Variants in CEP112 observed in about 807,000 individuals in gnomAD.
CEP112 encodes centrosomal protein 112, also known as centrosomal protein of 112 kDa.
CEP112 carries 127 observed loss-of-function variants against 153.0 expected under a neutral mutation model. The ratio of observed to expected loss-of-function variants is 0.83; its 90% CI spans 0.72 to 0.96. The LOEUF is 0.96. Ranked by LOEUF, CEP112 falls within the 40% of genes least tolerant of loss-of-function variation. The probability of loss-of-function intolerance (pLI) is 0.00; values close to 1 mark genes in which losing one functional copy is unlikely to be tolerated. For synonymous variants in CEP112, 358 were observed against 374.4 expected (o/e 0.96, Z 0.51); for missense variants, 1,089 against 1,101.2 (o/e 0.99, Z 0.16).
intron 24 of CEP112, chr17:65,655,204 G>A (rs560237656): frequency 5.0e-5 from 39 of 786,792 alleles, no homozygotes; most frequent in African/African-American, 2.7e-4. Flanking sequence ...TCTCACTGGC[G>A]CTTGTTGCAA....
intron 20 of CEP112, among the ~76,000 whole-genome samples, chr17:65,853,849 G>A (rs984429879): frequency 6.6e-6 from 1 of 152,138 alleles, no homozygotes; most frequent in Non-Finnish European, 1.5e-5. Flanking sequence ...TAATTGCACT[G>A]TGGCCAAAGA....
At chr17:65,810,614 C>T (rs1159987759) in intron 21 of CEP112, among the ~76,000 whole-genome samples, 1 of 151,804 alleles carries the variant, frequency 6.6e-6, no homozygotes, top group East Asian at 1.9e-4. Context: ...CTGAGTGAAG[C>T]CACTGAGATG....
At chr17:66,121,752 A>G (rs1358985546) in intron 6 of CEP112, among the ~76,000 whole-genome samples, 1 of 151,428 alleles carries the variant, frequency 6.6e-6, no homozygotes, top group Admixed American at 6.6e-5. Context: ...CCCAGGCTGG[A>G]GTACAGTGGC....
chr17:65,847,615 G>A (rs1215386676), intron 21 of CEP112, among the ~76,000 whole-genome samples: 3 of 152,176 alleles, frequency 2.0e-5, no homozygotes, highest in South Asian at 2.1e-4. Flanking sequence ...CACCTGCCCC[G>A]AGCTGGGTTT....
chr17:65,782,323 T>C (rs2145637231), intron 21 of CEP112, among the ~76,000 whole-genome samples: 1 of 152,254 alleles, frequency 6.6e-6, no homozygotes, highest in South Asian at 2.1e-4. Flanking sequence ...AGAATGGCTA[T>C]TACTAAAAAG....
chr17:65,755,339 T>C, intron 21 of CEP112, among the ~76,000 whole-genome samples: 1 of 152,006 alleles, frequency 6.6e-6, no homozygotes. Context: ...CCAGATTGCA[T>C]GACAACTCAC....
chr17:66,143,640 AATTATAGCTTC>A (rs1434054848), intron 4 of CEP112, among the ~76,000 whole-genome samples: 1 of 152,208 alleles, frequency 6.6e-6, no homozygotes, highest in Non-Finnish European at 1.5e-5. Context: ...TTTTTAAAGG[AATTATAGCTTC>A]ATTTGAAAGA....
rs1044114635 is a variant in CEP112, at chr17:66,143,039, T to C, written c.471-10276A>G. Among the ~76,000 whole-genome samples the C allele has an allele frequency of 2.0e-5, 3 of 152,220 alleles. No homozygotes were observed. The East Asian group carries it at 5.8e-4, about 29-fold the overall frequency. ...TTCACTGATGTTTTACAGTTTTCAG[T>C]GTATAGATCTTTTCCACCTTTGGTT... On this transcript the variant is annotated intron_variant, in intron 4 of 26. Transcript: ENST00000535342.
chr17:66,079,237 C>G (rs2067622040), intron 8 of CEP112, among the ~76,000 whole-genome samples: 1 of 152,000 alleles, frequency 6.6e-6, no homozygotes, highest in Admixed American at 6.6e-5. Context: ...GTCAGTAGTT[C>G]GAGACCAGCC....
intron 17 of CEP112, among the ~76,000 whole-genome samples, chr17:66,004,247 C>T (rs1041165253): frequency 7.3e-5 from 11 of 151,718 alleles, no homozygotes; most frequent in East Asian, 3.9e-4. Flanking sequence ...TTTGGGAGGC[C>T]GAGGCGGGCG....
intron 24 of CEP112, among the ~76,000 whole-genome samples, chr17:65,675,611 C>T (rs2047194307): frequency 6.6e-6 from 1 of 150,424 alleles, no homozygotes; most frequent in Non-Finnish European, 1.5e-5. Flanking sequence ...TTAACACCAA[C>T]ATCCGATGAG....
intron 21 of CEP112, among the ~76,000 whole-genome samples, chr17:65,782,583 T>A (rs2054057444): frequency 6.6e-6 from 1 of 152,154 alleles, no homozygotes; most frequent in African/African-American, 2.4e-5. Context: ...AACCATGGAA[T>A]CAACCTAGGT....
At chr17:66,134,112 T>C (rs2070326476) in intron 4 of CEP112, among the ~76,000 whole-genome samples, 1 of 152,168 alleles carries the variant, frequency 6.6e-6, no homozygotes, top group South Asian at 2.1e-4. Flanking sequence ...CAGTGGCGTA[T>C]TCTTAAGAAT....
intron 17 of CEP112, among the ~76,000 whole-genome samples, chr17:66,004,939 C>A (rs1015271742): frequency 2.0e-5 from 3 of 152,170 alleles, no homozygotes; most frequent in African/African-American, 4.8e-5. Flanking sequence ...ACCGTATTGA[C>A]CTTCCTCCAA....
At chr17:65,888,330 C>T (rs2059354379) in intron 20 of CEP112, among the ~76,000 whole-genome samples, 1 of 152,172 alleles carries the variant, frequency 6.6e-6, no homozygotes, top group Non-Finnish European at 1.5e-5. Context: ...TCCTACTTAT[C>T]ATGCTACATC....
At position 65,680,249 on chromosome 17, in the gene CEP112, A is replaced by G. The variant is rs533704623; in HGVS notation, c.2697+8880T>C. ...AAGCCATGAATGATCCTACCAGATG[A>G]AATGACCACCCCGGATGAAAATGAT... On this transcript the variant is annotated intron_variant, in intron 24 of 26. Transcript: ENST00000535342. Among the ~76,000 whole-genome samples the G allele has an allele frequency of 5.3e-5, 8 of 152,346 alleles. No individual in the cohort carries two copies. In the East Asian group the frequency reaches 1.5e-3, roughly 29 times the overall value.
At chr17:65,856,578 C>A (rs1291045424) in intron 20 of CEP112, among the ~76,000 whole-genome samples, 2 of 152,054 alleles carry the variant, frequency 1.3e-5, no homozygotes, top group African/African-American at 4.8e-5. Context: ...TCCATAATGT[C>A]TTTTTTTGAA....
intron 21 of CEP112, among the ~76,000 whole-genome samples, chr17:65,785,302 G>A (rs1324493390): frequency 3.3e-5 from 5 of 152,100 alleles, no homozygotes; most frequent in Non-Finnish European, 7.4e-5. Context: ...GTTTCTTTGG[G>A]AAATATTTTT....
At chr17:65,983,686 C>T (rs1340534604) in intron 17 of CEP112, among the ~76,000 whole-genome samples, 1 of 152,202 alleles carries the variant, frequency 6.6e-6, no homozygotes, top group Non-Finnish European at 1.5e-5. Context: ...TGAGGTCCTA[C>T]AAGAAGCAGA....
Sources: allele counts gnomAD v4.1 joint callset (sites outside exome capture counted in the v4.1 genomes callset), GRCh38; gene constraint gnomAD v4.1.1; transcripts MANE v1.5; gene names NCBI Gene and HGNC (gene_info 2026-07-23, HGNC 2026-07-21).